Variants in EVL observed in about 807,000 individuals in gnomAD.
EVL encodes Enah/Vasp-like.
Under a neutral mutation model 59.6 loss-of-function variants are expected in EVL, and 21 were observed. That is an observed-to-expected ratio of 0.35 (90% CI 0.25 to 0.51). The LOEUF is 0.51. Ranked by LOEUF, EVL falls within the 20% of genes least tolerant of loss-of-function variation. EVL has a pLI of 0.97. For synonymous variants in EVL, 198 were observed against 203.5 expected (o/e 0.97, Z 0.23); for missense variants, 462 against 546.6 (o/e 0.85, Z 1.54).
chr14:100,043,787 AT>A lies in EVL; in HGVS notation c.6-40893del, dbSNP rs1319798359. Among the ~76,000 whole-genome samples, 4 of 151,158 alleles carry A rather than the reference AT, an allele frequency of 2.6e-5. No individual in the cohort carries two copies. In the East Asian group the frequency reaches 5.8e-4, roughly 22 times the overall value. On this transcript the variant is annotated intron_variant, in intron 1 of 13. Transcript: ENST00000402714. ...GCCACCATGCCTGGCTAATTTTTAA[AT>A]TTTTTTGTAAAGATAGAGTCTTGCT...
At chr14:100,075,603 G>A (rs1044651364) in intron 1 of EVL, among the ~76,000 whole-genome samples, 6 of 152,130 alleles carry the variant, frequency 3.9e-5, no homozygotes, top group Non-Finnish European at 5.9e-5. Flanking sequence ...CACTGAGGAC[G>A]ATGGCTCACT....
At chr14:100,134,841 G>GC (rs1888668234) in intron 8 of EVL, 5 of 152,172 alleles carry the variant, frequency 3.3e-5, no homozygotes, top group Non-Finnish European at 7.3e-5. Flanking sequence ...AGGCATGGCC[G>GC]CCTCACAGAC....
intron 1 of EVL, among the ~76,000 whole-genome samples, chr14:100,002,239 A>G (rs1361491129): frequency 2.0e-5 from 3 of 152,190 alleles, no homozygotes; most frequent in East Asian, 1.9e-4. Context: ...TCCTGATGTC[A>G]CAATCTCCAA....
At chr14:99,981,693 A>G in intron 1 of EVL, among the ~76,000 whole-genome samples, 1 of 152,216 alleles carries the variant, frequency 6.6e-6, no homozygotes, top group East Asian at 1.9e-4. Context: ...ACTATACCAT[A>G]GTCTGTTAAG....
intron 1 of EVL, among the ~76,000 whole-genome samples, chr14:99,975,304 A>G (rs1349922970): frequency 6.6e-6 from 1 of 152,148 alleles, no homozygotes; most frequent in African/African-American, 2.4e-5. Flanking sequence ...GTTTTCAGCA[A>G]TTTTTCTATA....
intron 3 of EVL, among the ~76,000 whole-genome samples, chr14:100,104,885 A>G (rs1387167762): frequency 6.9e-6 from 1 of 145,618 alleles, no homozygotes; most frequent in East Asian, 2.0e-4. Flanking sequence ...TATATAATCC[A>G]GTTTCTCCTC....
At position 100,084,696 on chromosome 14, in the gene EVL, T is replaced by C. The variant is rs1375085121; in HGVS notation, c.21T>C (p.Ser7=). 5 of 1,613,874 alleles carry C rather than the reference T, an allele frequency of 3.1e-6. No homozygotes were observed. Among genetic ancestry groups the C allele is most frequent in the East Asian group, 4.5e-5 (2 of 44,878 alleles). MATSEQ[S]ICQARASVMV... ...TTTTCTTGCTCGGCAGTGAACAGAG[T>C]ATCTGCCAAGCCCGGGCTTCCGTGA... The change falls in exon 2 of 14, where the codon AGT becomes AGC. Residue 7 remains serine, a synonymous_variant. Coordinates refer to ENST00000392920, the MANE Select transcript of EVL (RefSeq NM_016337.3).
chr14:100,107,541 CCCTCATGAAAGA>C, intron 3 of EVL: 2 of 374,196 alleles, frequency 5.3e-6, no homozygotes, highest in Non-Finnish European at 4.7e-6. Flanking sequence ...CACTAGCATT[CCCTCATGAAAGA>C]TCACTTTTTC....
chr14:100,033,123 G>A (rs1029882448), intron 1 of EVL, among the ~76,000 whole-genome samples: 19 of 152,090 alleles, frequency 1.2e-4, no homozygotes, highest in African/African-American at 4.3e-4. Context: ...AAGATCAGCC[G>A]GAAAGACTAA....
intron 1 of EVL, among the ~76,000 whole-genome samples, chr14:100,016,091 A>AT (rs11427368): frequency 0.079 from 11,916 of 150,910 alleles, 1,655 homozygotes; most frequent in African/African-American, 0.28. Flanking sequence ...AAAAAAAAAA[A>AT]AAAAATTAAT....
chr14:100,129,489 A>G, intron 6 of EVL, 74 bp from the exon 7 acceptor site: 24 of 1,599,300 alleles, frequency 1.5e-5, no homozygotes, highest in Non-Finnish European at 2.0e-5. Context: ...AGTCCCCTGC[A>G]TCCCCTCACA....
chr14:100,056,672 G>A (rs1411310723), intron 1 of EVL, among the ~76,000 whole-genome samples: 1 of 152,192 alleles, frequency 6.6e-6, no homozygotes, highest in Non-Finnish European at 1.5e-5. Context: ...TGCTGCGGAT[G>A]AGTTTAACCA....
At chr14:100,067,284 G>A (rs1178634496) in intron 1 of EVL, among the ~76,000 whole-genome samples, 3 of 152,180 alleles carry the variant, frequency 2.0e-5, no homozygotes, top group Non-Finnish European at 4.4e-5. Context: ...TGGCGCCTGT[G>A]GTGGGGATAC....
intron 1 of EVL, among the ~76,000 whole-genome samples, chr14:99,988,376 A>G (rs2060853266): frequency 6.6e-6 from 1 of 152,228 alleles, no homozygotes; most frequent in Admixed American, 6.5e-5. Flanking sequence ...ACTCACTAGG[A>G]TGGTTTGAAT....
chr14:100,094,907 G>A (rs988065797), intron 2 of EVL, among the ~76,000 whole-genome samples: 1 of 151,970 alleles, frequency 6.6e-6, no homozygotes, highest in African/African-American at 2.4e-5. Context: ...TGGGCGTGGT[G>A]GCAGGCGTCT....
intron 3 of EVL, among the ~76,000 whole-genome samples, chr14:100,100,003 C>CAAAAAA (rs34709493): frequency 9.4e-5 from 2 of 21,210 alleles, no homozygotes; most frequent in African/African-American, 2.9e-4. Context: ...ACCTTGGGGG[C>CAAAAAA]AAAAAAAAAA....
intron 1 of EVL, among the ~76,000 whole-genome samples, chr14:100,044,153 T>C (rs1266391301): frequency 1.3e-5 from 2 of 152,230 alleles, no homozygotes; most frequent in African/African-American, 4.8e-5. Context: ...GATCACATCC[T>C]CTTTCTATAA....
At chr14:100,029,019 G>A (rs950680155) in intron 1 of EVL, among the ~76,000 whole-genome samples, 1 of 152,188 alleles carries the variant, frequency 6.6e-6, no homozygotes, top group African/African-American at 2.4e-5. Flanking sequence ...GGAAAGAAGT[G>A]TATAAATTAT....
chr14:100,000,569 G>T (rs764941610), intron 1 of EVL, among the ~76,000 whole-genome samples: 7 of 151,998 alleles, frequency 4.6e-5, no homozygotes, highest in Non-Finnish European at 8.8e-5. Context: ...GAATGGTCCC[G>T]ATCTCCTGAC....
Sources: allele counts gnomAD v4.1 joint callset (sites outside exome capture counted in the v4.1 genomes callset), GRCh38; gene constraint gnomAD v4.1.1; transcripts MANE v1.5; gene names NCBI Gene and HGNC (gene_info 2026-07-23, HGNC 2026-07-21).